Variants in NEB observed in about 807,000 individuals in gnomAD.
The protein encoded by NEB is nebulin, also known as nemaline myopathy type 2.
A neutral mutation model predicts 952.2 loss-of-function variants in NEB; 512 were observed. The observed-to-expected ratio is 0.54, with a 90% CI of 0.50 to 0.58. NEB has a LOEUF of 0.58. NEB is among the 20% of genes least tolerant of loss of function. NEB has a pLI of 0.00. For missense variants in NEB, 8,428 were observed against 9,231.1 expected (o/e 0.91, Z 3.56); for synonymous variants, 2,900 against 3,149.8 (o/e 0.92, Z 2.66).
chr2:151,717,346 C>A, intron 10 of NEB, 70 bp downstream of exon 10: 1 of 1,062,382 alleles, frequency 9.4e-7, no homozygotes, highest in South Asian at 1.3e-5. Flanking sequence ...CCTTTAGTAA[C>A]CCTCTCTGAT....
At chr2:151,578,910 T>C (rs1315840749) in intron 105 of NEB, among the ~76,000 whole-genome samples, 6 of 151,398 alleles carry the variant, frequency 4.0e-5, no homozygotes, top group African/African-American at 7.3e-5. Flanking sequence ...GGCAAAGACC[T>C]GTCTCTAATA....
intron 72 of NEB, 116 bp from the exon 73 acceptor site, chr2:151,619,878 A>G: frequency 9.2e-7 from 1 of 1,086,706 alleles, no homozygotes; most frequent in Non-Finnish European, 1.3e-6. Context: ...TTCACTGGTC[A>G]TGCTGCTGTA....
rs2093880656 is a variant in NEB at position 151,540,377 on chromosome 2, G to C, written c.20859C>G (p.Ile6953Met). ...YTPVPDTPIL[I>M]RAKRAYWNAS... Reference sequence around the variant, plus strand: ...CATTCCAGTAAGCCCTCTTGGCTCTGATGAGGATTGGCGTATCTGGAACCG... The same window carrying C: ...CATTCCAGTAAGCCCTCTTGGCTCTCATGAGGATTGGCGTATCTGGAACCG... Residue 6953 changes from isoleucine to methionine, a missense_variant, in exon 138 of 182, where the codon ATC becomes ATG. By Grantham distance (10) the Ile-to-Met change is conservative (BLOSUM62 1). This residue lies in a region of NEB where 3,374 missense variants were observed against 3,651.5 expected (regional missense o/e 0.92). Coordinates refer to ENST00000397345, the MANE Select transcript of NEB (RefSeq NM_001164508.2). The C allele has an allele frequency of 6.3e-7, 1 of 1,585,676 alleles. No individual in the cohort carries two copies. Among genetic ancestry groups the C allele is most frequent in the Non-Finnish European group, 8.6e-7 (1 of 1,164,132 alleles).
intron 151 of NEB, 82 bp from the exon 152 acceptor site, chr2:151,524,698 A>T (rs546749783): frequency 3.6e-6 from 4 of 1,097,600 alleles, no homozygotes; most frequent in Admixed American, 5.4e-5. Context: ...ATGGAATCTC[A>T]CTCTGTTGCC....
chr2:151,704,008 T>C (rs2099688979), intron 13 of NEB, among the ~76,000 whole-genome samples: 1 of 126,362 alleles, frequency 7.9e-6, no homozygotes, highest in Non-Finnish European at 1.7e-5. Context: ...CTCTTGGTCT[T>C]TGATGATGGT....
intron 61 of NEB, 43 bp from the exon 62 acceptor site, chr2:151,640,103 C>T: frequency 6.3e-7 from 1 of 1,578,136 alleles, no homozygotes; most frequent in Non-Finnish European, 8.7e-7. Flanking sequence ...TCTGTATCAG[C>T]AATGCATTTT....
intron 9 of NEB, among the ~76,000 whole-genome samples, chr2:151,719,061 G>A (rs766297133): frequency 2.6e-5 from 4 of 152,192 alleles, no homozygotes; most frequent in Non-Finnish European, 5.9e-5. Flanking sequence ...TGAGCCAGAC[G>A]TGATGACCTT....
intron 16 of NEB, 76 bp from the exon 17 acceptor site, chr2:151,696,811 G>T: frequency 9.9e-7 from 1 of 1,014,036 alleles, no homozygotes; most frequent in Non-Finnish European, 1.6e-6. Context: ...CAAGCAAATA[G>T]AACCTCATGC....
chr2:151,620,392 T>TACACACACA (rs1573991585), intron 72 of NEB, among the ~76,000 whole-genome samples: 1 of 132,332 alleles, frequency 7.6e-6, no homozygotes, highest in African/African-American at 2.8e-5. Context: ...TATATATATA[T>TACACACACA]TTAACCAGAA....
At chr2:151,565,974 T>G (rs1348723330) in intron 114 of NEB, among the ~76,000 whole-genome samples, 154 bp from the exon 115 acceptor site, 2 of 152,218 alleles carry the variant, frequency 1.3e-5, no homozygotes, top group Non-Finnish European at 1.5e-5. Flanking sequence ...CAATATTTCT[T>G]GAGGCTGTTA....
chr2:151,684,733 T>G (rs747362775), intron 28 of NEB, 45 bp downstream of exon 28: 92 of 1,463,258 alleles, frequency 6.3e-5, no homozygotes, highest in Non-Finnish European at 5.8e-5. Flanking sequence ...CCATTTCAGT[T>G]TCCATCTTTT....
At chr2:151,619,161 T>C (rs1208429075) in intron 73 of NEB, among the ~76,000 whole-genome samples, 8 of 152,206 alleles carry the variant, frequency 5.3e-5, no homozygotes, top group African/African-American at 1.9e-4. Flanking sequence ...TTTGCAGTGA[T>C]ATATTTTTAA....
At chr2:151,626,875 T>C in intron 70 of NEB, 127 bp downstream of exon 70, 1 of 1,184,516 alleles carries the variant, frequency 8.4e-7, no homozygotes, top group Non-Finnish European at 1.2e-6. Context: ...GAATAGAGAA[T>C]TCAACTGAAT....
intron 159 of NEB, 99 bp from the exon 160 acceptor site, chr2:151,513,792 G>A (rs1575720602): frequency 1.2e-6 from 1 of 814,972 alleles, no homozygotes; most frequent in African/African-American, 1.7e-5. Context: ...CGCCACCCCA[G>A]TTGTCACAGA....
At chr2:151,678,229 G>T (rs751877532) in intron 32 of NEB, 42 bp from the exon 33 acceptor site, 1 of 1,336,286 alleles carries the variant, frequency 7.5e-7, no homozygotes, top group South Asian at 1.5e-5. Flanking sequence ...ATGTAGTTTT[G>T]AGGGCTTTAC....
intron 124 of NEB, among the ~76,000 whole-genome samples, chr2:151,555,770 G>T (rs2153670868): frequency 6.6e-6 from 1 of 151,760 alleles, no homozygotes; most frequent in East Asian, 1.9e-4. Context: ...TTGACTGGAG[G>T]CCAACCAAAA....
At chr2:151,696,871 T>G in intron 16 of NEB, 136 bp from the exon 17 acceptor site, 1 of 676,864 alleles carries the variant, frequency 1.5e-6, no homozygotes, top group Non-Finnish European at 2.5e-6. Flanking sequence ...TTTTTCTAAC[T>G]AGACTGTAGT....
intron 109 of NEB, 72 bp from the exon 110 acceptor site, chr2:151,569,444 C>A: frequency 8.8e-7 from 1 of 1,130,676 alleles, no homozygotes; most frequent in East Asian, 2.4e-5. Flanking sequence ...CCATTGGTCT[C>A]ATGAAGAAAT....
chr2:151,574,429 T>C (rs1477077629), intron 107 of NEB, among the ~76,000 whole-genome samples: 1 of 152,232 alleles, frequency 6.6e-6, no homozygotes, highest in South Asian at 2.1e-4. Context: ...GAGTTGGCCT[T>C]TGATTTGAGA....
Sources: allele counts gnomAD v4.1 joint callset (sites outside exome capture counted in the v4.1 genomes callset), GRCh38; gene constraint gnomAD v4.1.1; regional missense constraint gnomAD v4.1.1; transcripts MANE v1.5; gene names NCBI Gene and HGNC (gene_info 2026-07-23, HGNC 2026-07-21).